The following GRIN2A variants were observed in gnomAD, a reference collection of about 807,000 sequenced individuals.
GRIN2A encodes the protein glutamate receptor ionotropic, NMDA 2A.
A neutral mutation model predicts 113.4 loss-of-function variants in GRIN2A; 22 were observed. The observed-to-expected ratio is 0.19, with a 90% CI of 0.14 to 0.28. GRIN2A has a LOEUF of 0.28. GRIN2A is among the 10% of genes least tolerant of loss of function. GRIN2A has a pLI of 1.00. For missense variants in GRIN2A, 1,502 were observed against 1,887.0 expected, an observed-to-expected ratio of 0.80 and a Z score of 3.78; for synonymous variants, 827 against 738.4, an observed-to-expected ratio of 1.12 and a Z score of -1.94.
intron 3 of GRIN2A, among the ~76,000 whole-genome samples, chr16:9,901,522 C>T (rs995461595): frequency 8.5e-5 from 13 of 152,110 alleles, no homozygotes; most frequent in South Asian, 2.1e-4. Context: ...TGCAATGGTG[C>T]GACCTCGGCT....
chr16:9,886,452 C>T (rs1223330881), intron 4 of GRIN2A, among the ~76,000 whole-genome samples: 1 of 152,094 alleles, frequency 6.6e-6, no homozygotes, highest in Non-Finnish European at 1.5e-5. Context: ...AAATCACTTG[C>T]ATGGTGGGCT....
intron 2 of GRIN2A, among the ~76,000 whole-genome samples, chr16:10,035,778 C>T (rs1482139608): frequency 2.7e-5 from 4 of 150,016 alleles, no homozygotes; most frequent in African/African-American, 9.9e-5. Context: ...GGCTGGAGTG[C>T]AGTGGTATGA....
At chr16:10,083,411 T>C (rs1160697902) in intron 2 of GRIN2A, among the ~76,000 whole-genome samples, 2 of 152,256 alleles carry the variant, frequency 1.3e-5, no homozygotes, top group African/African-American at 4.8e-5. Context: ...TGGTGACCTT[T>C]GAGTAAAGCC....
chr16:9,831,148 A>C (rs2042485013), intron 8 of GRIN2A, among the ~76,000 whole-genome samples: 1 of 152,222 alleles, frequency 6.6e-6, no homozygotes, highest in African/African-American at 2.4e-5. Context: ...GATGAGCTGG[A>C]AACAGAGAGC....
At chr16:10,160,294 A>C (rs960912985) in intron 2 of GRIN2A, among the ~76,000 whole-genome samples, 2 of 152,236 alleles carry the variant, frequency 1.3e-5, no homozygotes, top group African/African-American at 4.8e-5. Context: ...CATCAATACA[A>C]GCGGGATATG....
chr16:10,130,135 A>C (rs1370119280), intron 2 of GRIN2A, among the ~76,000 whole-genome samples: 1 of 152,226 alleles, frequency 6.6e-6, no homozygotes, highest in Non-Finnish European at 1.5e-5. Flanking sequence ...AATGAGACTC[A>C]GAAAAGCCAA....
At chr16:9,846,652 G>A (rs1186761372) in intron 5 of GRIN2A, among the ~76,000 whole-genome samples, 1 of 152,120 alleles carries the variant, frequency 6.6e-6, no homozygotes, top group African/African-American at 2.4e-5. Flanking sequence ...CAGAAGCCAG[G>A]GAGAAGACAA....
intron 2 of GRIN2A, among the ~76,000 whole-genome samples, chr16:10,178,178 G>C (rs996616269): frequency 6.6e-6 from 1 of 152,174 alleles, no homozygotes; most frequent in Admixed American, 6.5e-5. Flanking sequence ...GCTGGAAACT[G>C]GCTGTTCTTC....
chr16:10,026,856 G>T (rs3848334), intron 2 of GRIN2A, among the ~76,000 whole-genome samples: 8 of 152,124 alleles, frequency 5.3e-5, no homozygotes, highest in African/African-American at 1.9e-4. Context: ...ACCTCAGGAA[G>T]AACTGCACTT....
At chr16:10,152,275 T>G (rs547885487) in intron 2 of GRIN2A, among the ~76,000 whole-genome samples, 227 of 152,104 alleles carry the variant, frequency 1.5e-3, no homozygotes, top group African/African-American at 5.0e-3. Flanking sequence ...AAACACCCCA[T>G]GCTCCAACCA....
At chr16:10,111,350 G>T (rs1287859809) in intron 2 of GRIN2A, 2 of 419,692 alleles carry the variant, frequency 4.8e-6, no homozygotes, top group African/African-American at 4.1e-5. Context: ...GGCCGCGCGG[G>T]TGTTTGTCGC....
intron 7 of GRIN2A, among the ~76,000 whole-genome samples, chr16:9,835,324 T>C (rs1381336829): frequency 6.6e-6 from 1 of 152,216 alleles, no homozygotes; most frequent in Non-Finnish European, 1.5e-5. Context: ...ATCAGCTCAT[T>C]TGCATGTAAC....
At chr16:10,097,904 A>C (rs2048324841) in intron 2 of GRIN2A, among the ~76,000 whole-genome samples, 1 of 152,152 alleles carries the variant, frequency 6.6e-6, no homozygotes, top group East Asian at 1.9e-4. Flanking sequence ...ATGACCAAGA[A>C]CCCAAAGCAA....
chr16:10,113,966 G>A (rs1165891002), intron 2 of GRIN2A, among the ~76,000 whole-genome samples: 1 of 151,934 alleles, frequency 6.6e-6, no homozygotes, highest in Non-Finnish European at 1.5e-5. Flanking sequence ...CTACTCAGAA[G>A]GCTAGGGCAG....
chr16:9,781,843 G>A (rs1298085000), intron 11 of GRIN2A, among the ~76,000 whole-genome samples: 1 of 152,134 alleles, frequency 6.6e-6, no homozygotes, highest in Non-Finnish European at 1.5e-5. Flanking sequence ...AAAATGTGTA[G>A]CATTTGGAAA....
At chr16:9,941,144 G>A (rs191155131) in intron 2 of GRIN2A, among the ~76,000 whole-genome samples, 13 of 152,276 alleles carry the variant, frequency 8.5e-5, no homozygotes, top group East Asian at 3.9e-4. Flanking sequence ...CAAGACACAC[G>A]CTAAAGGCAC....
Position 9,757,717 on chromosome 16 carries a change from T to A in GRIN2A, c.*5432A>T. 4.6e-6 allele frequency: 1 copy of A among 216,654 alleles called. No individual in the cohort carries two copies. Among genetic ancestry groups the A allele is most frequent in the East Asian group, 6.8e-5 (1 of 14,652 alleles). The allele number at this position is 216,654 out of a possible 1,614,324, so 13.4% of individuals were successfully genotyped here. A position where few individuals can be genotyped will look rare whatever the true frequency, so the allele number is the denominator to read the frequency against. Reference sequence around the variant, plus strand: ...CACTGCCAGCCTTTTATCTTCAGTTTGAGGTTTTAAACAATATCCCTGTTG... The same window carrying A: ...CACTGCCAGCCTTTTATCTTCAGTTAGAGGTTTTAAACAATATCCCTGTTG... On this transcript the variant is annotated 3_prime_UTR_variant, in exon 13 of 13. Transcript: ENST00000330684.
chr16:9,856,842 A>T (rs1030867006), intron 4 of GRIN2A, among the ~76,000 whole-genome samples: 3 of 152,124 alleles, frequency 2.0e-5, no homozygotes, highest in Non-Finnish European at 4.4e-5. Context: ...CCCAGGACTC[A>T]TTTTTAAGTC....
At chr16:10,129,372 TAA>T (rs35049231) in intron 2 of GRIN2A, among the ~76,000 whole-genome samples, 130,328 of 151,932 alleles carry the variant, frequency 0.86, 56,295 homozygotes, top group East Asian at 1. Context: ...GGAGTTTGAT[TAA>T]AAAAAAAACA....
Sources: allele counts gnomAD v4.1 joint callset (sites outside exome capture counted in the v4.1 genomes callset), GRCh38; gene constraint gnomAD v4.1.1; transcripts MANE v1.5; gene names NCBI Gene and HGNC (gene_info 2026-07-23, HGNC 2026-07-21).